The following SUSD4 variants were observed in gnomAD, a reference collection of about 807,000 sequenced individuals.
The protein encoded by SUSD4 is sushi domain-containing protein 4.
A neutral mutation model predicts 50.5 loss-of-function variants in SUSD4; 41 were observed. That is an observed-to-expected ratio of 0.81 (90% CI 0.63 to 1.05). The LOEUF is 1.05. Ranked by LOEUF, SUSD4 falls within the 50% of genes least tolerant of loss-of-function variation. The pLI, the probability that SUSD4 is intolerant of heterozygous loss-of-function variation, is 0.00. For synonymous variants in SUSD4, 257 were observed against 257.3 expected, an observed-to-expected ratio of 1.00 and a Z score of 0.01; for missense variants, 580 against 634.7, an observed-to-expected ratio of 0.91 and a Z score of 0.93.
intron 2 of SUSD4, among the ~76,000 whole-genome samples, chr1:223,362,944 C>CT (rs1558286738): frequency 4.1e-5 from 1 of 24,242 alleles, no homozygotes; most frequent in East Asian, 9.2e-4. Flanking sequence ...CCCCCCACCC[C>CT]TCCCCCCCCC....
intron 2 of SUSD4, among the ~76,000 whole-genome samples, chr1:223,311,921 T>C (rs549718095): frequency 1.1e-4 from 16 of 152,278 alleles, no homozygotes; most frequent in African/African-American, 3.6e-4. Flanking sequence ...AGGATTCAGC[T>C]GTTTGCTGAT....
rs1661925739 is a variant in SUSD4, at chr1:223,259,257, T to C, written c.724+5373A>G. On this transcript the variant is annotated intron_variant, in intron 5 of 8. Transcript: ENST00000366878. ...ACTGATTTTGGTTTCTTTTAAACTC[T>C]AATCTCCCTAAATGTTTGATTGGTC... Among the ~76,000 whole-genome samples the C allele has an allele frequency of 2.0e-5, 3 of 152,350 alleles. No individual in the cohort carries two copies. The South Asian group carries it at 6.2e-4, about 32-fold the overall frequency.
At chr1:223,272,972 C>T (rs951102694) in intron 3 of SUSD4, among the ~76,000 whole-genome samples, 2 of 152,030 alleles carry the variant, frequency 1.3e-5, no homozygotes, top group Non-Finnish European at 2.9e-5. Flanking sequence ...CTCACTGCCA[C>T]GATGAACACA....
chr1:223,249,058 G>C (rs1661128425), intron 5 of SUSD4, among the ~76,000 whole-genome samples: 1 of 152,186 alleles, frequency 6.6e-6, no homozygotes, highest in Admixed American at 6.5e-5. Flanking sequence ...ATTGATAGGA[G>C]CCACAGTGGC....
chr1:223,256,780 A>G lies in SUSD4; in HGVS notation c.724+7850T>C, dbSNP rs528197188. On this transcript the variant is annotated intron_variant, in intron 5 of 8. Coordinates refer to ENST00000366878, the MANE Select transcript of SUSD4 (RefSeq NM_017982.4). ...GTCTGAGGAAATGGACAGAGCTAGGATTAGAACCCAGATCAAAATTTCCAG... is the reference window on the plus strand; with the variant it reads ...GTCTGAGGAAATGGACAGAGCTAGGGTTAGAACCCAGATCAAAATTTCCAG... 9.2e-5 allele frequency among the ~76,000 whole-genome samples: 14 copies of G among 152,324 alleles called. No individual in the cohort carries two copies. In the South Asian group the frequency reaches 2.9e-3, roughly 32 times the overall value.
chr1:223,298,103 T>G (rs553623727), intron 2 of SUSD4, among the ~76,000 whole-genome samples: 2 of 151,666 alleles, frequency 1.3e-5, no homozygotes, highest in Non-Finnish European at 1.5e-5. Flanking sequence ...AGTGGATGGA[T>G]GGATGCATCG....
chr1:223,222,123 T>TA lies in SUSD4; in HGVS notation c.*68_*69insT. On this transcript the variant is annotated 3_prime_UTR_variant, in exon 9 of 9. Transcript: ENST00000366878. ...TTTGCCCCCAGGCTCTATCCTTCTGTGACCTCACTCCAAGATACAAGGTCC... is the reference window on the plus strand; with the variant it reads ...TTTGCCCCCAGGCTCTATCCTTCTGTAGACCTCACTCCAAGATACAAGGTCC... 1 of 1,548,802 alleles carries TA rather than the reference T, an allele frequency of 6.5e-7. No individual in the cohort carries two copies. The highest frequency in any genetic ancestry group is 8.8e-7 in the Non-Finnish European group (1 of 1,132,148).
intron 3 of SUSD4, among the ~76,000 whole-genome samples, chr1:223,283,731 G>A (rs1436812245): frequency 6.6e-6 from 1 of 152,168 alleles, no homozygotes; most frequent in Non-Finnish European, 1.5e-5. Context: ...CCATTACTGG[G>A]TATATACCCA....
At chr1:223,234,054 C>T (rs1660061875) in intron 5 of SUSD4, among the ~76,000 whole-genome samples, 1 of 152,140 alleles carries the variant, frequency 6.6e-6, no homozygotes, top group Admixed American at 6.5e-5. Context: ...CCTACCTACC[C>T]AAAAGGCAGC....
At chr1:223,307,636 G>A (rs78629000) in intron 2 of SUSD4, among the ~76,000 whole-genome samples, 2,153 of 152,260 alleles carry the variant, frequency 0.014, 45 homozygotes, top group African/African-American at 0.049. Flanking sequence ...TGGGGAGGAA[G>A]AACAAGACAC....
chr1:223,223,105 G>A (rs1447923638), intron 8 of SUSD4, 144 bp downstream of exon 8: 14 of 1,215,492 alleles, frequency 1.2e-5, no homozygotes, highest in Non-Finnish European at 1.3e-5. Context: ...GAGAGAGCAT[G>A]AAGCAATTTA....
At chr1:223,262,522 C>A (rs1007142393) in intron 5 of SUSD4, among the ~76,000 whole-genome samples, 1 of 152,172 alleles carries the variant, frequency 6.6e-6, no homozygotes, top group Non-Finnish European at 1.5e-5. Context: ...AAAGATGATA[C>A]ACAATTAAAG....
chr1:223,257,705 T>G (rs773077302), intron 5 of SUSD4, among the ~76,000 whole-genome samples: 2 of 152,180 alleles, frequency 1.3e-5, no homozygotes, highest in Non-Finnish European at 2.9e-5. Flanking sequence ...CAGAATAGTT[T>G]CAAGTTTATC....
intron 7 of SUSD4, among the ~76,000 whole-genome samples, chr1:223,224,886 T>C (rs922598726): frequency 8.2e-6 from 1 of 121,746 alleles, no homozygotes; most frequent in Non-Finnish European, 1.9e-5. Flanking sequence ...TTTTTTTTTT[T>C]TGAGATAGAG....
At chr1:223,276,505 A>G (rs1263264129) in intron 3 of SUSD4, among the ~76,000 whole-genome samples, 3 of 152,226 alleles carry the variant, frequency 2.0e-5, no homozygotes, top group African/African-American at 7.2e-5. Flanking sequence ...TCTTGCAACC[A>G]TCATAACTGA....
At chr1:223,278,463 G>T (rs772986109) in intron 3 of SUSD4, among the ~76,000 whole-genome samples, 2 of 152,156 alleles carry the variant, frequency 1.3e-5, no homozygotes, top group African/African-American at 2.4e-5. Context: ...AGCCTTGCTC[G>T]TTGCTAGCAC....
chr1:223,290,622 A>G (rs904740478), intron 3 of SUSD4, among the ~76,000 whole-genome samples: 2 of 152,106 alleles, frequency 1.3e-5, no homozygotes, highest in African/African-American at 4.8e-5. Context: ...GCCTATGTAC[A>G]AGCCCCTCCC....
intron 2 of SUSD4, among the ~76,000 whole-genome samples, chr1:223,311,463 C>T (rs932598260): frequency 6.6e-6 from 1 of 152,188 alleles, no homozygotes; most frequent in Non-Finnish European, 1.5e-5. Context: ...GATAATAATA[C>T]TAATAATGAC....
intron 2 of SUSD4, among the ~76,000 whole-genome samples, chr1:223,341,798 G>A (rs567374252): frequency 5.5e-4 from 83 of 152,214 alleles, no homozygotes; most frequent in African/African-American, 1.9e-3. Flanking sequence ...ATGGAAAGAG[G>A]CGGACTTTGT....
Sources: gnomAD v4.1 joint callset for allele counts (sites outside exome capture counted in the v4.1 genomes callset) on GRCh38, gnomAD v4.1.1 for gene constraint, MANE v1.5 for transcripts, NCBI Gene and HGNC (gene_info 2026-07-23, HGNC 2026-07-21) for gene names.